The following HOMER2 variants were observed in gnomAD, a reference collection of about 807,000 sequenced individuals.
The protein encoded by HOMER2 is homer protein homolog 2.
Under a neutral mutation model 47.0 loss-of-function variants are expected in HOMER2, and 27 were observed. The observed-to-expected ratio is 0.57, with a 90% CI of 0.42 to 0.79. The LOEUF is 0.79. HOMER2 is among the 30% of genes least tolerant of loss of function. HOMER2 has a pLI of 0.00. For synonymous variants in HOMER2, 161 were observed against 163.8 expected (o/e 0.98, Z 0.13); for missense variants, 443 against 435.0 (o/e 1.02, Z -0.16).
chr15:82,874,814 C>T (rs1261878999), intron 3 of HOMER2, among the ~76,000 whole-genome samples: 1 of 152,202 alleles, frequency 6.6e-6, no homozygotes, highest in African/African-American at 2.4e-5. Flanking sequence ...CATCAAGATG[C>T]ATTCTTGGCA....
intron 1 of HOMER2, among the ~76,000 whole-genome samples, chr15:82,938,079 A>T (rs1237113066): frequency 6.6e-6 from 1 of 152,110 alleles, no homozygotes; most frequent in East Asian, 1.9e-4. Context: ...CAGAGAAGAA[A>T]ATGCCAGCTC....
chr15:82,868,523 T>TATATATATATATATATATATATATA (rs2052055665), intron 3 of HOMER2, among the ~76,000 whole-genome samples: 16 of 36,602 alleles, frequency 4.4e-4, no homozygotes, highest in South Asian at 1.8e-3. Context: ...CTTATTTATT[T>TATATATATATATATATATATATATA]TATATATATA....
Position 82,882,462 on chromosome 15 carries a change from C to T in HOMER2, c.163-7058G>A, listed in dbSNP as rs146082272. On this transcript the variant is annotated intron_variant, in intron 2 of 8. Transcript: ENST00000450735. ...CAACACTGACATGGATCCACATAAT[C>T]CCCTAGAGCTTGGGCAATGCTGAGG... Among the ~76,000 whole-genome samples the T allele has an allele frequency of 1.7e-3, 260 of 152,368 alleles. 2 individuals are homozygous for T. The highest frequency in any genetic ancestry group is 5.0e-3 in the Admixed American group (76 of 15,310).
intron 1 of HOMER2, among the ~76,000 whole-genome samples, chr15:82,931,876 A>G (rs1460014453): frequency 6.6e-6 from 1 of 152,180 alleles, no homozygotes; most frequent in Non-Finnish European, 1.5e-5. Context: ...AAACTGACAG[A>G]AGAAAAAGAG....
At chr15:82,865,030 C>A (rs1438275808) in intron 3 of HOMER2, among the ~76,000 whole-genome samples, 1 of 152,232 alleles carries the variant, frequency 6.6e-6, no homozygotes, top group East Asian at 1.9e-4. Context: ...TTTCTGAGCA[C>A]AGGCTATCCT....
chr15:82,935,814 G>A (rs2054128905), intron 1 of HOMER2, among the ~76,000 whole-genome samples: 1 of 152,122 alleles, frequency 6.6e-6, no homozygotes, highest in Non-Finnish European at 1.5e-5. Flanking sequence ...GACCTTCTCA[G>A]CCTCAGCCAG....
chr15:82,880,622 T>C (rs1482330951), intron 2 of HOMER2, among the ~76,000 whole-genome samples: 1 of 152,166 alleles, frequency 6.6e-6, no homozygotes, highest in African/African-American at 2.4e-5. Flanking sequence ...GGGCAGAGGC[T>C]TATGAAAACA....
At chr15:82,893,477 C>T (rs944693993) in intron 1 of HOMER2, among the ~76,000 whole-genome samples, 6 of 151,710 alleles carry the variant, frequency 4.0e-5, no homozygotes, top group African/African-American at 1.5e-4. Flanking sequence ...GGATTACAGG[C>T]GTGTGCCACT....
chr15:82,917,555 C>T (rs1464209095), intron 1 of HOMER2, among the ~76,000 whole-genome samples: 4 of 152,238 alleles, frequency 2.6e-5, no homozygotes, highest in Admixed American at 6.5e-5. Flanking sequence ...GGGGAAGATC[C>T]GCCCCCGTGG....
At chr15:82,857,073 G>C (rs1596304938) in intron 5 of HOMER2, among the ~76,000 whole-genome samples, 1 of 152,126 alleles carries the variant, frequency 6.6e-6, no homozygotes, top group East Asian at 1.9e-4. Flanking sequence ...TTCATACGTT[G>C]AAACCCTACC....
In HOMER2 at chr15:82,869,447, C is replaced by T. The variant is rs904894704; in HGVS notation, c.295-5188G>A. Among the ~76,000 whole-genome samples the T allele has an allele frequency of 1.0e-3, 112 of 112,076 alleles. 1 individual carries two copies. Among genetic ancestry groups the T allele is most frequent in the African/African-American group, 4.2e-3 (107 of 25,498 alleles). The allele number at this position is 112,076 out of a possible 152,430, so 73.5% of individuals were successfully genotyped here. A position where few individuals can be genotyped will look rare whatever the true frequency, so the allele number is the denominator to read the frequency against. ...TGCAATTATATGATTTTCTACTAAACATCTTTTTTTTTTTTTTTTTTTTTT... is the reference window on the plus strand; with the variant it reads ...TGCAATTATATGATTTTCTACTAAATATCTTTTTTTTTTTTTTTTTTTTTT... On this transcript the variant is annotated intron_variant, in intron 3 of 8. Transcript: ENST00000450735.
intron 1 of HOMER2, among the ~76,000 whole-genome samples, chr15:82,900,695 T>C (rs1467435646): frequency 6.6e-6 from 1 of 152,194 alleles, no homozygotes; most frequent in Admixed American, 6.5e-5. Context: ...TGCTCATTAG[T>C]GGAGACACAG....
chr15:82,923,064 G>A (rs900647906), intron 1 of HOMER2, among the ~76,000 whole-genome samples: 4 of 152,104 alleles, frequency 2.6e-5, no homozygotes, highest in Non-Finnish European at 5.9e-5. Flanking sequence ...TACCTCACTC[G>A]TGGCCGTCAT....
chr15:82,851,303 T>C (rs2051386544), intron 7 of HOMER2, 72 bp from the exon 8 acceptor site: 1 of 1,062,752 alleles, frequency 9.4e-7, no homozygotes, highest in Non-Finnish European at 1.4e-6. Context: ...ATCACCAATG[T>C]GTGCACGCTC....
At chr15:82,848,891 TA>T (rs2051296411), downstream of HOMER2, 4 of 152,266 alleles carry the variant, frequency 2.6e-5, no homozygotes, top group Admixed American at 2.6e-4. Context: ...TCATGTCTGT[TA>T]ACTACCCAGC....
At chr15:82,974,152 C>A (rs2030113647) in intron 1 of HOMER2, among the ~76,000 whole-genome samples, 1 of 151,864 alleles carries the variant, frequency 6.6e-6, no homozygotes, top group Admixed American at 6.6e-5. Context: ...CACCTGTAAT[C>A]CCAGCACTTT....
chr15:82,964,377 TAG>T (rs2054655813), intron 1 of HOMER2, among the ~76,000 whole-genome samples: 2 of 152,242 alleles, frequency 1.3e-5, no homozygotes, highest in African/African-American at 4.8e-5. Flanking sequence ...GCCATTTGGC[TAG>T]AGAGTCAGAT....
At chr15:82,948,286 G>T (rs935846687) in intron 1 of HOMER2, among the ~76,000 whole-genome samples, 1 of 151,922 alleles carries the variant, frequency 6.6e-6, no homozygotes, top group Non-Finnish European at 1.5e-5. Context: ...AGCTATTCGG[G>T]AGGCTGAGGC....
At chr15:82,902,070 G>A (rs1283608328) in intron 1 of HOMER2, among the ~76,000 whole-genome samples, 1 of 152,042 alleles carries the variant, frequency 6.6e-6, no homozygotes, top group African/African-American at 2.4e-5. Context: ...TAGATGGTAT[G>A]GTTAACATTT....
Sources: gnomAD v4.1 joint callset for allele counts (sites outside exome capture counted in the v4.1 genomes callset) on GRCh38, gnomAD v4.1.1 for gene constraint, MANE v1.5 for transcripts, NCBI Gene and HGNC (gene_info 2026-07-23, HGNC 2026-07-21) for gene names.